The following AFG2A variants were observed in gnomAD, a reference collection of about 807,000 sequenced individuals.
The protein encoded by AFG2A is ATPase family gene 2 protein homolog A.
chr4:123,021,147 A>G, the AFG2A span, among the ~76,000 whole-genome samples: 1 of 151,918 alleles, frequency 6.6e-6, no homozygotes. Flanking sequence ...TCTTTTTTGT[A>G]TCATCCATTT....
the AFG2A span, among the ~76,000 whole-genome samples, chr4:123,202,663 A>G: frequency 2.0e-5 from 3 of 152,090 alleles, no homozygotes; most frequent in Admixed American, 2.0e-4. Context: ...CTGCACTCTC[A>G]TGTTTTTCTG....
At chr4:122,971,353 G>A in the AFG2A span, among the ~76,000 whole-genome samples, 1 of 152,158 alleles carries the variant, frequency 6.6e-6, no homozygotes, top group African/African-American at 2.4e-5. Context: ...GCTATAATGA[G>A]CTGAGATTGC....
chr4:122,991,415 G>A, the AFG2A span, among the ~76,000 whole-genome samples: 161 of 152,254 alleles, frequency 1.1e-3, no homozygotes, highest in African/African-American at 3.8e-3. Flanking sequence ...CCCCTTAGCT[G>A]AGAATCCTTC....
the AFG2A span, among the ~76,000 whole-genome samples, chr4:123,216,502 CTG>C: frequency 2.7e-4 from 41 of 152,182 alleles, no homozygotes; most frequent in East Asian, 6.2e-3. Context: ...ATACATATAT[CTG>C]TATGCATTAA....
the AFG2A span, among the ~76,000 whole-genome samples, chr4:122,925,146 C>A: frequency 1.3e-5 from 2 of 152,100 alleles, no homozygotes; most frequent in African/African-American, 2.4e-5. Context: ...ACTCTCCCCC[C>A]CATATCTCAC....
At chr4:122,938,413 T>C in the AFG2A span, among the ~76,000 whole-genome samples, 1 of 152,242 alleles carries the variant, frequency 6.6e-6, no homozygotes, top group Non-Finnish European at 1.5e-5. Context: ...TTTGCTTTAG[T>C]AGATTACTTA....
chr4:122,982,289 G>A, the AFG2A span, among the ~76,000 whole-genome samples: 14 of 152,252 alleles, frequency 9.2e-5, no homozygotes, highest in Admixed American at 4.6e-4. Flanking sequence ...TTAAGGTGGC[G>A]TATCATGTTT....
the AFG2A span, among the ~76,000 whole-genome samples, chr4:123,093,435 A>G: frequency 3.9e-5 from 6 of 152,312 alleles, no homozygotes; most frequent in South Asian, 8.3e-4. Flanking sequence ...GTCAACTGCC[A>G]TGGTTCTGGT....
At chr4:123,309,769 A>G in the AFG2A span, among the ~76,000 whole-genome samples, 7 of 152,224 alleles carry the variant, frequency 4.6e-5, no homozygotes, top group Admixed American at 1.3e-4. Context: ...CAAATGTTCA[A>G]CCAGTAAGTA....
At chr4:123,184,336 A>T in the AFG2A span, among the ~76,000 whole-genome samples, 1 of 152,128 alleles carries the variant, frequency 6.6e-6, no homozygotes. Flanking sequence ...AATATTTTTT[A>T]GACTTTTATG....
the AFG2A span, among the ~76,000 whole-genome samples, chr4:123,071,637 G>C: frequency 2.0e-4 from 30 of 152,298 alleles, no homozygotes; most frequent in South Asian, 2.7e-3. Flanking sequence ...CACTCTCTAT[G>C]TTAACAGTTT....
At chr4:122,954,593 C>T in the AFG2A span, among the ~76,000 whole-genome samples, 16 of 152,234 alleles carry the variant, frequency 1.1e-4, no homozygotes, top group Non-Finnish European at 2.4e-4. Context: ...AACAGGCTAC[C>T]TGACAAGCTG....
the AFG2A span, among the ~76,000 whole-genome samples, chr4:123,022,680 A>C: frequency 1.1e-4 from 16 of 150,834 alleles, no homozygotes; most frequent in Non-Finnish European, 2.4e-4. Context: ...CCATCCCATT[A>C]CTGGGTATAT....
At chr4:123,059,323 TC>T in the AFG2A span, among the ~76,000 whole-genome samples, 264 of 94,324 alleles carry the variant, frequency 2.8e-3, 4 homozygotes, top group Middle Eastern at 0.056. Flanking sequence ...CCCACAACAG[TC>T]CCCCGAGTGT....
the AFG2A span, among the ~76,000 whole-genome samples, chr4:123,142,094 A>AT: frequency 6.6e-6 from 1 of 152,116 alleles, no homozygotes; most frequent in African/African-American, 2.4e-5. Flanking sequence ...TATAGGTTAT[A>AT]TTTTTGCGAA....
chr4:123,208,237 C>A, the AFG2A span, among the ~76,000 whole-genome samples: 1 of 152,164 alleles, frequency 6.6e-6, no homozygotes, highest in Non-Finnish European at 1.5e-5. Flanking sequence ...TGGATTTTCA[C>A]ATACAAAAAT....
chr4:123,123,416 A>G, the AFG2A span, among the ~76,000 whole-genome samples: 1 of 152,174 alleles, frequency 6.6e-6, no homozygotes, highest in Non-Finnish European at 1.5e-5. Flanking sequence ...CACTTTAATT[A>G]TTTTACAAAT....
chr4:123,018,789 A>G, the AFG2A span, among the ~76,000 whole-genome samples: 1 of 147,788 alleles, frequency 6.8e-6, no homozygotes, highest in Non-Finnish European at 1.5e-5. Flanking sequence ...ATGCACCACC[A>G]CGCCCAGCTA....
the AFG2A span, among the ~76,000 whole-genome samples, chr4:123,123,783 T>TAAAAAAA: frequency 7.0e-6 from 1 of 142,966 alleles, no homozygotes; most frequent in African/African-American, 2.6e-5. Context: ...CCGTCTCTAC[T>TAAAAAAA]AAAAAAAAAA....
Sources: gnomAD v4.1 joint callset for allele counts (sites outside exome capture counted in the v4.1 genomes callset) on GRCh38, gnomAD v4.1.1 for gene constraint, MANE v1.5 for transcripts, NCBI Gene and HGNC (gene_info 2026-07-23, HGNC 2026-07-21) for gene names.